TRIO: variants seen among roughly 807,000 people sequenced by gnomAD.
The protein encoded by TRIO is trio Rho guanine nucleotide exchange factor.
A neutral mutation model predicts 351.9 loss-of-function variants in TRIO; 58 were observed. That is an observed-to-expected ratio of 0.16 (90% CI 0.13 to 0.21). The LOEUF is 0.21. Among genes scored for constraint, TRIO ranks in the 10% least tolerant of loss-of-function variants. The probability of loss-of-function intolerance (pLI) is 1.00; values close to 1 mark genes in which losing one functional copy is unlikely to be tolerated. For synonymous variants in TRIO, 1,758 were observed against 1,595.7 expected, an observed-to-expected ratio of 1.10 and a Z score of -2.42; for missense variants, 3,201 against 4,027.8, an observed-to-expected ratio of 0.79 and a Z score of 5.56.
At chr5:14,361,576 G>A (rs757856528) in intron 13 of TRIO, among the ~76,000 whole-genome samples, 22 of 152,338 alleles carry the variant, frequency 1.4e-4, no homozygotes, top group Middle Eastern at 3.4e-3. Flanking sequence ...ACGGCCCATA[G>A]GAGTATGGAG....
At chr5:14,159,080 G>T (rs764282903) in intron 1 of TRIO, among the ~76,000 whole-genome samples, 2 of 152,148 alleles carry the variant, frequency 1.3e-5, no homozygotes, top group African/African-American at 2.4e-5. Flanking sequence ...GTTCTGCCGG[G>T]GGTGGAATCC....
At chr5:14,491,127 G>A (rs1443833515) in intron 48 of TRIO, among the ~76,000 whole-genome samples, 1 of 152,184 alleles carries the variant, frequency 6.6e-6, no homozygotes, top group African/African-American at 2.4e-5. Flanking sequence ...CCTGGCACCT[G>A]GAATTCCCAG....
At chr5:14,372,062 A>C (rs955396386) in intron 18 of TRIO, among the ~76,000 whole-genome samples, 4 of 152,104 alleles carry the variant, frequency 2.6e-5, no homozygotes, top group African/African-American at 9.7e-5. Context: ...TTTCATTACT[A>C]TTTATTAATT....
At chr5:14,297,001 C>T in intron 6 of TRIO, 71 bp from the exon 7 acceptor site, 2 of 1,424,944 alleles carry the variant, frequency 1.4e-6, no homozygotes, top group Non-Finnish European at 1.9e-6. Flanking sequence ...CAGGTGGCAT[C>T]TGGGCTTCTT....
chr5:14,475,380 T>A (rs1002830391), intron 40 of TRIO, among the ~76,000 whole-genome samples: 2 of 152,180 alleles, frequency 1.3e-5, no homozygotes, highest in Admixed American at 1.3e-4. Flanking sequence ...CCATTAGGCC[T>A]GGGTGTTCCC....
At chr5:14,307,557 T>C (rs1175685699) in intron 8 of TRIO, among the ~76,000 whole-genome samples, 1 of 152,256 alleles carries the variant, frequency 6.6e-6, no homozygotes, top group Non-Finnish European at 1.5e-5. Flanking sequence ...CTGGGTGTCA[T>C]CACAGTGGAC....
At chr5:14,498,025 A>G (rs1386854154) in intron 51 of TRIO, 64 bp from the exon 52 acceptor site, 1 of 1,611,868 alleles carries the variant, frequency 6.2e-7, no homozygotes, top group Non-Finnish European at 8.5e-7. Flanking sequence ...TGTCGGGGAC[A>G]TGTGGGTGGG....
intron 18 of TRIO, among the ~76,000 whole-genome samples, chr5:14,372,520 A>G (rs916986280): frequency 2.0e-5 from 3 of 152,176 alleles, no homozygotes; most frequent in Admixed American, 1.3e-4. Flanking sequence ...CTCTAATTCT[A>G]TCATTTCCTT....
At chr5:14,300,978 G>A (rs1032244199) in intron 7 of TRIO, among the ~76,000 whole-genome samples, 1 of 152,130 alleles carries the variant, frequency 6.6e-6, no homozygotes, top group East Asian at 1.9e-4. Flanking sequence ...TCCGTCAAGA[G>A]GTGGCGGGGG....
At chr5:14,299,041 A>G (rs1304864876) in intron 7 of TRIO, among the ~76,000 whole-genome samples, 1 of 152,214 alleles carries the variant, frequency 6.6e-6, no homozygotes, top group Non-Finnish European at 1.5e-5. Context: ...CACAGAGAAC[A>G]TCTTTCATAA....
chr5:14,268,196 A>G (rs886987694), intron 1 of TRIO, among the ~76,000 whole-genome samples: 3 of 152,312 alleles, frequency 2.0e-5, no homozygotes, highest in Middle Eastern at 3.4e-3. Flanking sequence ...GGACATAGGA[A>G]ATTGAGACAT....
intron 1 of TRIO, among the ~76,000 whole-genome samples, chr5:14,166,886 G>A (rs1392493354): frequency 1.3e-5 from 2 of 152,154 alleles, no homozygotes; most frequent in Non-Finnish European, 2.9e-5. Flanking sequence ...CAGTGGAGAA[G>A]GGAGGTCTCA....
chr5:14,460,547 G>A (rs1395447282), intron 34 of TRIO, among the ~76,000 whole-genome samples: 2 of 152,194 alleles, frequency 1.3e-5, no homozygotes, highest in Admixed American at 6.5e-5. Context: ...GCACTTCTGC[G>A]ACAGGATTAG....
chr5:14,438,667 A>C (rs779156652), intron 34 of TRIO, among the ~76,000 whole-genome samples: 4 of 152,212 alleles, frequency 2.6e-5, no homozygotes, highest in Non-Finnish European at 2.9e-5. Flanking sequence ...CCATGGTAGA[A>C]ATAGGCCTTG....
chr5:14,371,930 C>G (rs1745146588), intron 18 of TRIO, among the ~76,000 whole-genome samples: 1 of 152,138 alleles, frequency 6.6e-6, no homozygotes, highest in South Asian at 2.1e-4. Flanking sequence ...GTGTGAGCCT[C>G]CACACCTGGC....
chr5:14,416,067 C>A (rs764453428), intron 33 of TRIO, among the ~76,000 whole-genome samples: 1 of 151,074 alleles, frequency 6.6e-6, no homozygotes, highest in Non-Finnish European at 1.5e-5. Context: ...TGAGAACTTG[C>A]ACAAAATATG....
chr5:14,174,492 A>T (rs915255125), intron 1 of TRIO, among the ~76,000 whole-genome samples: 3 of 152,150 alleles, frequency 2.0e-5, no homozygotes, highest in African/African-American at 7.2e-5. Context: ...TTCCTAGTTC[A>T]AGACAGGATT....
intron 7 of TRIO, among the ~76,000 whole-genome samples, chr5:14,299,257 G>T (rs139640706): frequency 1.4e-4 from 22 of 152,252 alleles, no homozygotes; most frequent in African/African-American, 4.8e-4. Flanking sequence ...GGATTTGAAG[G>T]AAATGAAACT....
rs1427934255 is a variant in TRIO at position 14,291,140 on chromosome 5, G to A, written c.965G>A (p.Arg322Gln). ...STMLDRLHST[R>Q]QHLHQMWHVR... ...ATGCTGGACCGGCTGCACTCGACACGGCAGCATCTGCACCAGATGTGGCAT... is the reference window on the plus strand; with the variant it reads ...ATGCTGGACCGGCTGCACTCGACACAGCAGCATCTGCACCAGATGTGGCAT... The change falls in exon 5 of 57, where the codon CGG (arginine) becomes CAG (glutamine). Residue 322 changes from arginine (R) to glutamine (Q), a missense_variant. Around this residue, in one of 19 missense-constraint regions of TRIO, gnomAD observed 349 missense variants for 449.3 expected, o/e 0.78. Coordinates refer to ENST00000344204, the MANE Select transcript of TRIO (RefSeq NM_007118.4). 4 of 1,614,142 alleles carry A rather than the reference G, an allele frequency of 2.5e-6. No individual in the cohort carries two copies. Among genetic ancestry groups the A allele is most frequent in the Middle Eastern group, 1.6e-4 (1 of 6,062 alleles).
Sources: allele counts gnomAD v4.1 joint callset (sites outside exome capture counted in the v4.1 genomes callset), GRCh38; gene constraint gnomAD v4.1.1; regional missense constraint gnomAD v4.1.1; transcripts MANE v1.5; gene names NCBI Gene and HGNC (gene_info 2026-07-23, HGNC 2026-07-21).